Variants in PALS2 observed in about 807,000 individuals in gnomAD.
The protein encoded by PALS2 is protein PALS2.
PALS2 carries 27 observed loss-of-function variants against 61.6 expected under a neutral mutation model. The ratio of observed to expected loss-of-function variants is 0.44; its 90% confidence interval spans 0.32 to 0.60. The LOEUF (loss-of-function observed/expected upper bound fraction) is 0.60. Ranked by LOEUF, PALS2 falls within the 20% of genes least tolerant of loss-of-function variation. PALS2 has a pLI of 0.05. For missense variants in PALS2, 554 were observed against 639.4 expected (o/e 0.87, Z 1.44); for synonymous variants, 236 against 218.6 (o/e 1.08, Z -0.70).
At chr7:24,605,565 A>AT (rs1404625332) in intron 1 of PALS2, among the ~76,000 whole-genome samples, 1 of 152,182 alleles carries the variant, frequency 6.6e-6, no homozygotes, top group Non-Finnish European at 1.5e-5. Flanking sequence ...ACAGATACAA[A>AT]TATGTAAATA....
intron 1 of PALS2, among the ~76,000 whole-genome samples, chr7:24,590,845 CTT>C (rs35467271): frequency 0.055 from 7,335 of 133,128 alleles, 221 homozygotes; most frequent in African/African-American, 0.079. Flanking sequence ...TTCTTGGGGA[CTT>C]TTTTTTTTTT....
At position 24,578,416 on chromosome 7, in the gene PALS2, G is replaced by A. The variant is rs964003179; in HGVS notation, c.-3+4823G>A. Among the ~76,000 whole-genome samples, 5 of 152,316 alleles carry A rather than the reference G, an allele frequency of 3.3e-5. No individual in the cohort carries two copies. In the East Asian group the frequency reaches 5.8e-4, roughly 18 times the overall value. ...TAAAATGATAGTAGTATGGTAAACAGGCCTCTTTTGGCCATAAGTAATAGA... is the reference window on the plus strand; with the variant it reads ...TAAAATGATAGTAGTATGGTAAACAAGCCTCTTTTGGCCATAAGTAATAGA... On this transcript the variant is annotated intron_variant, in intron 1 of 11. Transcript: ENST00000222644.
At chr7:24,640,028 G>A (rs1785442073) in intron 2 of PALS2, among the ~76,000 whole-genome samples, 1 of 151,844 alleles carries the variant, frequency 6.6e-6, no homozygotes, top group Non-Finnish European at 1.5e-5. Flanking sequence ...TGTTGGGCAG[G>A]CTGGTCTCGA....
At chr7:24,626,846 A>G (rs1583897273) in intron 2 of PALS2, among the ~76,000 whole-genome samples, 3 of 152,180 alleles carry the variant, frequency 2.0e-5, no homozygotes, top group South Asian at 4.1e-4. Flanking sequence ...TATGTACCCA[A>G]TATAGGAGCT....
At chr7:24,678,227 G>C (rs1170795614) in intron 9 of PALS2, among the ~76,000 whole-genome samples, 2 of 152,138 alleles carry the variant, frequency 1.3e-5, no homozygotes, top group African/African-American at 4.8e-5. Flanking sequence ...ACCGTTCCTA[G>C]CACAGACCAA....
At chr7:24,599,639 G>A (rs1783646704) in intron 1 of PALS2, among the ~76,000 whole-genome samples, 1 of 150,564 alleles carries the variant, frequency 6.6e-6, no homozygotes, top group Non-Finnish European at 1.5e-5. Context: ...CAAGTAGCTG[G>A]GATTACAGGT....
chr7:24,600,525 C>T (rs1266036211), intron 1 of PALS2, among the ~76,000 whole-genome samples: 1 of 151,946 alleles, frequency 6.6e-6, no homozygotes, highest in East Asian at 1.9e-4. Context: ...AATTTTTGAG[C>T]CCCAGTTTCT....
chr7:24,585,187 C>G (rs528406000), intron 1 of PALS2, among the ~76,000 whole-genome samples: 21 of 152,054 alleles, frequency 1.4e-4, no homozygotes, highest in East Asian at 3.9e-4. Flanking sequence ...TAGTTTTTTC[C>G]AATTCTGTGA....
Position 24,649,654 on chromosome 7 carries a change from G to T in PALS2, c.313G>T (p.Asp105Tyr). 6.2e-7 allele frequency: 1 copy of T among 1,611,716 alleles called. No homozygotes were observed. The highest frequency in any genetic ancestry group is 1.7e-4 in the Middle Eastern group (1 of 6,030). Residue 105 changes from aspartate to tyrosine, a missense_variant, in exon 4 of 12, where the codon GAT becomes TAT. Transcript: ENST00000222644. ...AHDIVASKCY[D>Y]SPPSSPEMNN... ...TGATATTGTGGCATCAAAGTGTTAT[G>T]ATTCACCTCCATCAAGCCCAGAAAT...
chr7:24,584,161 C>A (rs556786643), intron 1 of PALS2, among the ~76,000 whole-genome samples: 1 of 147,438 alleles, frequency 6.8e-6, no homozygotes, highest in Non-Finnish European at 1.5e-5. Context: ...ATTTATAGTC[C>A]TTTGGGTATA....
chr7:24,687,672 A>C lies in PALS2; in HGVS notation c.*58A>C. Reference sequence around the variant, plus strand: ...TCTTAAAAAGTGACTGCAACAAATAAACCTTCTACTGAGAAAATACATCAC... The same window carrying C: ...TCTTAAAAAGTGACTGCAACAAATACACCTTCTACTGAGAAAATACATCAC... On this transcript the variant is annotated 3_prime_UTR_variant, in exon 12 of 12. Transcript: ENST00000222644. This position sits in a 1 kb window ranked among gnomAD's most constrained non-coding sequence, Gnocchi z 4.5. The C allele has an allele frequency of 1.4e-6, 2 of 1,473,404 alleles. No individual in the cohort carries two copies. The highest frequency in any genetic ancestry group is 1.8e-6 in the Non-Finnish European group (2 of 1,095,004). 91.3% of individuals were successfully genotyped at this position (1,473,404 alleles called of 1,614,324 possible).
chr7:24,664,832 T>A (rs1239468118), intron 6 of PALS2, among the ~76,000 whole-genome samples: 1 of 152,116 alleles, frequency 6.6e-6, no homozygotes, highest in African/African-American at 2.4e-5. Flanking sequence ...CTTTTTCCTA[T>A]GAATACGATC....
chr7:24,623,619 G>T, intron 1 of PALS2, 47 bp from the exon 2 acceptor site: 3 of 1,126,666 alleles, frequency 2.7e-6, no homozygotes, highest in Non-Finnish European at 2.5e-6. Context: ...AAGGGTTTTT[G>T]TTTGTTTGTT....
rs149609557 is a variant in PALS2, at chr7:24,574,791, A to G, written c.-3+1198A>G. 8.5e-5 allele frequency among the ~76,000 whole-genome samples: 13 copies of G among 152,354 alleles called. No homozygotes were observed. In the East Asian group the frequency reaches 1.7e-3, roughly 20 times the overall value. ...CCATTTCTTCCCGTGAAATTTTGCA[A>G]ATCATTTGTAAACTTATGTTGGTCG... On this transcript the variant is annotated intron_variant, in intron 1 of 11. Coordinates refer to ENST00000222644, the MANE Select transcript of PALS2 (RefSeq NM_001303037.2).
chr7:24,623,591 C>G (rs1465510237), intron 1 of PALS2, 75 bp from the exon 2 acceptor site: 1 of 811,400 alleles, frequency 1.2e-6, no homozygotes, highest in East Asian at 2.8e-5. Context: ...AATCTTACTC[C>G]ATAACGGCTT....
intron 2 of PALS2, among the ~76,000 whole-genome samples, chr7:24,628,790 A>G (rs955622963): frequency 4.6e-5 from 7 of 152,206 alleles, no homozygotes; most frequent in African/African-American, 1.7e-4. Context: ...CTTACAAGGG[A>G]TGTGAAGGAC....
chr7:24,626,038 G>C (rs1252262940), intron 2 of PALS2, among the ~76,000 whole-genome samples: 4 of 152,040 alleles, frequency 2.6e-5, no homozygotes, highest in Non-Finnish European at 5.9e-5. Context: ...AACAACAGAG[G>C]CAGTCCCATA....
intron 2 of PALS2, among the ~76,000 whole-genome samples, chr7:24,626,842 C>T (rs537238756): frequency 3.5e-4 from 54 of 152,218 alleles, no homozygotes; most frequent in African/African-American, 1.1e-3. Context: ...TATATATGTA[C>T]CCAATATAGG....
At position 24,617,273 on chromosome 7, in the gene PALS2, CAATG is replaced by C. The variant is rs546880655; in HGVS notation, c.-2-6389_-2-6386del. On this transcript the variant is annotated intron_variant, in intron 1 of 11. Transcript: ENST00000222644. ...TCTCTTTTTGAATTTCTCATTCAAA[CAATG>C]AATCATTTTTCCTAATTTTGTTGAA... is the stretch of plus-strand genomic sequence containing the variant. Among the ~76,000 whole-genome samples, 800 of 152,246 alleles carry C rather than the reference CAATG, an allele frequency of 5.3e-3. 2 individuals are homozygous for C. The highest frequency in any genetic ancestry group is 0.018 in the African/African-American group (742 of 41,562).
Sources: gnomAD v4.1 joint callset for allele counts (sites outside exome capture counted in the v4.1 genomes callset) on GRCh38, gnomAD v4.1.1 for gene constraint, Gnocchi (gnomAD v3.1) non-coding constraint, MANE v1.5 for transcripts, NCBI Gene and HGNC (gene_info 2026-07-23, HGNC 2026-07-21) for gene names.